Variants in STAR observed in about 807,000 individuals in gnomAD.
STAR encodes steroidogenic acute regulatory protein.
In STAR, 32 loss-of-function variants were observed where a neutral mutation model predicts 32.3. The ratio of observed to expected loss-of-function variants is 0.99; its 90% CI spans 0.75 to 1.33. STAR has a LOEUF of 1.33. Among genes scored for constraint, STAR ranks in the 40% most tolerant of loss-of-function variants. The probability of loss-of-function intolerance (pLI) is 0.00; values close to 1 mark genes in which losing one functional copy is unlikely to be tolerated. For synonymous variants in STAR, 134 were observed against 140.5 expected, an observed-to-expected ratio of 0.95 and a Z score of 0.33; for missense variants, 375 against 379.0, an observed-to-expected ratio of 0.99 and a Z score of 0.09.
intron 5 of STAR, 31 bp downstream of exon 5, chr8:38,145,931 GA>G: frequency 6.2e-7 from 1 of 1,612,338 alleles, no homozygotes; most frequent in South Asian, 1.1e-5. Flanking sequence ...TGTGTTAGAA[GA>G]GGGGGGTTTG....
Position 38,145,271 on chromosome 8 carries a change from C to G in STAR, c.695G>C (p.Gly232Ala), listed in dbSNP as rs148239025. The G allele has an allele frequency of 6.2e-7, 1 of 1,614,202 alleles. No individual in the cohort carries two copies. The highest frequency in any genetic ancestry group is 1.3e-5 in the African/African-American group (1 of 75,064). The change falls in exon 6 of 7, where the codon GGA becomes GCA. Residue 232 changes from glycine (G) to alanine (A), a missense_variant. Coordinates refer to ENST00000276449, the MANE Select transcript of STAR (RefSeq NM_000349.3). Reference sequence around the variant, plus strand: ...CGTAAGTTTGGTCTTAGAGGGACTTCCAGCCAACGGGTGAAGCACCATGCA... The same window carrying G: ...CGTAAGTTTGGTCTTAGAGGGACTTGCAGCCAACGGGTGAAGCACCATGCA... ...PTCMVLHPLA[G>A]SPSKTKLTWL...
chr8:38,144,172 A>G lies in STAR; in HGVS notation c.*101T>C. 2 of 1,252,450 alleles carry G rather than the reference A, an allele frequency of 1.6e-6. No individual in the cohort carries two copies. Among genetic ancestry groups the G allele is most frequent in the Non-Finnish European group, 2.3e-6 (2 of 886,480 alleles). 77.6% of individuals were successfully genotyped at this position (1,252,450 alleles called of 1,614,324 possible). ...CACGAACCCCACCCATCCCACTGTC[A>G]CCAGATGGAGATCTTAGACTTGCAG... is the stretch of plus-strand genomic sequence containing the variant. On this transcript the variant is annotated 3_prime_UTR_variant, in exon 7 of 7. Coordinates refer to ENST00000276449, the MANE Select transcript of STAR (RefSeq NM_000349.3).
chr8:38,145,766 A>G (rs1300194250), intron 5 of STAR, 197 bp downstream of exon 5: 1 of 680,866 alleles, frequency 1.5e-6, no homozygotes, highest in African/African-American at 1.8e-5. Context: ...GGTCATGACA[A>G]GCTGTCTGGC....
In STAR at chr8:38,143,933, C is replaced by G. The variant is rs1802513180; in HGVS notation, c.*340G>C. Reference sequence around the variant, plus strand: ...ACTTCTCAGGCCCTGTGGTTAGCATCCCCCACACCCATATCAGCCACTAGC... The same window carrying G: ...ACTTCTCAGGCCCTGTGGTTAGCATGCCCCACACCCATATCAGCCACTAGC... On this transcript the variant is annotated 3_prime_UTR_variant, in exon 7 of 7. Coordinates refer to ENST00000276449, the MANE Select transcript of STAR (RefSeq NM_000349.3). 1 of 353,240 alleles carries G rather than the reference C, an allele frequency of 2.8e-6. No homozygotes were observed. The highest frequency in any genetic ancestry group is 2.2e-5 in the South Asian group (1 of 45,646). 21.9% of individuals were successfully genotyped at this position (353,240 alleles called of 1,614,324 possible).
At position 38,150,937 on chromosome 8, in the gene STAR, TGAGTCCCGCA is replaced by T. The variant is rs565161032; in HGVS notation, c.-129_-120del. The T allele has an allele frequency of 6.0e-4, 959 of 1,593,040 alleles. 19 individuals are homozygous for T. The South Asian group carries it at 9.9e-3, about 16-fold the overall frequency. On this transcript the variant is annotated 5_prime_UTR_variant, in exon 1 of 7. Coordinates refer to ENST00000276449, the MANE Select transcript of STAR (RefSeq NM_000349.3). ...TCCTGAGCCCCTCAAGCTTCGCCTC[TGAGTCCCGCA>T]GCTGCAGCCTGGACCTGGTGTTCTG...
Position 38,150,894 on chromosome 8 carries a change from A to G in STAR, c.-76T>C. 2 of 1,599,242 alleles carry G rather than the reference A, an allele frequency of 1.3e-6. No individual in the cohort carries two copies. The highest frequency in any genetic ancestry group is 1.7e-6 in the Non-Finnish European group (2 of 1,179,726). The stretch of plus-strand genomic sequence containing the variant: ...GCCGCTGCTGCTGCCTCTTCTCTCA[A>G]GGGTGGTTCTTCGTCCTTCCTGAGC... On this transcript the variant is annotated 5_prime_UTR_variant, in exon 1 of 7. Coordinates refer to ENST00000276449, the MANE Select transcript of STAR (RefSeq NM_000349.3).
In STAR at chr8:38,145,205, C is replaced by A; in HGVS notation, c.744+17G>T. 1 of 1,614,032 alleles carries A rather than the reference C, an allele frequency of 6.2e-7. No homozygotes were observed. The highest frequency in any genetic ancestry group is 8.5e-7 in the Non-Finnish European group (1 of 1,179,984). ...CACTACCACCTGCCTTCCAGGTCCC[C>A]CTCCCATGCCCTTCACCTTGAGGTC... On this transcript the variant is annotated intron_variant, in intron 6 of 6. Transcript: ENST00000276449.
Position 38,148,301 on chromosome 8 carries a change from T to C in STAR, c.205A>G (p.Ser69Gly), listed in dbSNP as rs1344379690. The change falls in exon 3 of 7, where the codon AGT (serine) becomes GGT (glycine). Residue 69 changes from serine (S) to glycine (G), a missense_variant. Coordinates refer to ENST00000276449, the MANE Select transcript of STAR (RefSeq NM_000349.3). ...TGGAGATAGGCCAGCTCCTGGTCAC[T>C]GTAGAGAGTCTCTTCCAGCCGAGAA... The part of the protein sequence containing the change: ...LGSRLEETLY[S>G]DQELAYLQQG... The C allele has an allele frequency of 1.1e-5, 17 of 1,613,972 alleles. No individual in the cohort carries two copies. Among genetic ancestry groups the C allele is most frequent in the East Asian group, 4.5e-5 (2 of 44,890 alleles).
At chr8:38,146,785 A>ATG (rs1299684029) in intron 3 of STAR, among the ~76,000 whole-genome samples, 1 of 149,048 alleles carries the variant, frequency 6.7e-6, no homozygotes, top group Non-Finnish European at 1.5e-5. Flanking sequence ...AAAATTTTAT[A>ATG]TATATATATA....
At position 38,145,312 on chromosome 8, in the gene STAR, C is replaced by T. The variant is rs376372719; in HGVS notation, c.654G>A (p.Ala218=). The T allele has an allele frequency of 7.4e-6, 12 of 1,614,038 alleles. No individual in the cohort carries two copies. Among genetic ancestry groups the T allele is most frequent in the South Asian group, 2.2e-5 (2 of 91,094 alleles). ...GCACCATGCAAGTGGGACCGTGCTC[C>T]GCCCTGGCAAATGGAGAAGTCAAGT... is the stretch of plus-strand genomic sequence containing the variant. ...NMPEQKGVIR[A]EHGPTCMVLH... Residue 218 remains alanine (A), a synonymous_variant, in exon 6 of 7, where the codon GCG becomes GCA. Transcript: ENST00000276449.
In STAR at chr8:38,145,266, G is replaced by A; in HGVS notation, c.700C>T (p.Pro234Ser). Residue 234 changes from proline to serine, a missense_variant, in exon 6 of 7, where the codon CCC becomes TCC. Coordinates refer to ENST00000276449, the MANE Select transcript of STAR (RefSeq NM_000349.3). ...AGCCACGTAAGTTTGGTCTTAGAGGGACTTCCAGCCAACGGGTGAAGCACC... is the reference window on the plus strand; with the variant it reads ...AGCCACGTAAGTTTGGTCTTAGAGGAACTTCCAGCCAACGGGTGAAGCACC... ...CMVLHPLAGS[P>S]SKTKLTWLLS... 6.2e-7 allele frequency: 1 copy of A among 1,614,156 alleles called. No homozygotes were observed. Among genetic ancestry groups the A allele is most frequent in the East Asian group, 2.2e-5 (1 of 44,882 alleles).
chr8:38,146,512 T>C, intron 3 of STAR, 65 bp from the exon 4 acceptor site: 1 of 1,567,702 alleles, frequency 6.4e-7, no homozygotes, highest in Non-Finnish European at 8.7e-7. Context: ...GCATGGTGGT[T>C]CACGCCTATA....
At chr8:38,148,597 C>A in intron 2 of STAR, 44 bp downstream of exon 2, 1 of 1,570,202 alleles carries the variant, frequency 6.4e-7, no homozygotes. Context: ...CTCCAGGGAA[C>A]CTCCTGCCAG....
chr8:38,146,246 G>A (rs2130614154), intron 4 of STAR, 43 bp downstream of exon 4: 1 of 1,613,764 alleles, frequency 6.2e-7, no homozygotes. Flanking sequence ...ATTCACACTG[G>A]GCTCTCCTGG....
At chr8:38,149,038 G>T in intron 1 of STAR, 1 of 452,172 alleles carries the variant, frequency 2.2e-6, no homozygotes, top group Non-Finnish European at 4.1e-6. Flanking sequence ...TCTCTAAAAG[G>T]GGAAAAAGCT....
At chr8:38,144,961 A>G in intron 6 of STAR, 1 of 1,276,774 alleles carries the variant, frequency 7.8e-7, no homozygotes, top group South Asian at 1.6e-5. Context: ...GTGAGCTGAG[A>G]CCATGTCATT....
rs566567853 is a variant in STAR at position 38,143,389 on chromosome 8, C to G, written c.*884G>C. 4.6e-5 allele frequency among the ~76,000 whole-genome samples: 7 copies of G among 150,914 alleles called. No homozygotes were observed. The South Asian group carries it at 1.2e-3, about 27-fold the overall frequency. On this transcript the variant is annotated 3_prime_UTR_variant, in exon 7 of 7. Coordinates refer to ENST00000276449, the MANE Select transcript of STAR (RefSeq NM_000349.3). ...TGGCACAATCTCGGCCCACTACAAC[C>G]TCCGCCTCCGGGGTTCAAGTGATTC...
rs532093653 is a variant in STAR at position 38,150,597 on chromosome 8, GC to G, written c.64+157del. 2.6e-5 allele frequency among the ~76,000 whole-genome samples: 4 copies of G among 152,272 alleles called. No homozygotes were observed. In the South Asian group the frequency reaches 8.3e-4, roughly 32 times the overall value. On this transcript the variant is annotated intron_variant, in intron 1 of 6. Transcript: ENST00000276449. ...TGGAAGGGATATATCTTAGTAACCA[GC>G]CCACTTCTTCCGAGGGGAAAACTGA... is the stretch of plus-strand genomic sequence containing the variant.
chr8:38,144,717 T>C (rs1802531864), intron 6 of STAR: 1 of 1,077,780 alleles, frequency 9.3e-7, no homozygotes, highest in Non-Finnish European at 1.2e-6. Context: ...AGTTGAACTT[T>C]GCTGTGAGAC....
Sources: allele counts gnomAD v4.1 joint callset (sites outside exome capture counted in the v4.1 genomes callset), GRCh38; gene constraint gnomAD v4.1.1; transcripts MANE v1.5; gene names NCBI Gene and HGNC (gene_info 2026-07-23, HGNC 2026-07-21).